The following EYA1 variants were observed in gnomAD, a reference collection of about 807,000 sequenced individuals.
The protein encoded by EYA1 is protein phosphatase EYA1.
Under a neutral mutation model 82.0 loss-of-function variants are expected in EYA1, and 16 were observed. The observed-to-expected ratio is 0.20, with a 90% confidence interval of 0.13 to 0.30. EYA1 has a LOEUF of 0.30. Among genes scored for constraint, EYA1 ranks in the 10% least tolerant of loss-of-function variants. The pLI, the probability that EYA1 is intolerant of heterozygous loss-of-function variation, is 1.00. For missense variants in EYA1, 633 were observed against 730.7 expected, an observed-to-expected ratio of 0.87 and a Z score of 1.54; for synonymous variants, 261 against 264.4, an observed-to-expected ratio of 0.99 and a Z score of 0.12.
At chr8:71,218,560 TC>T (rs1176509725) in intron 12 of EYA1, among the ~76,000 whole-genome samples, 1 of 152,080 alleles carries the variant, frequency 6.6e-6, no homozygotes, top group Non-Finnish European at 1.5e-5. Context: ...TCTCCTGAGG[TC>T]CATAACCTCA....
chr8:71,447,958 T>G (rs1807021968), intron 2 of EYA1, among the ~76,000 whole-genome samples: 1 of 151,364 alleles, frequency 6.6e-6, no homozygotes, highest in Non-Finnish European at 1.5e-5. Context: ...CAATTGACTC[T>G]TCCTTTCCAA....
chr8:71,237,913 A>T (rs575304117), intron 12 of EYA1, among the ~76,000 whole-genome samples: 3 of 152,198 alleles, frequency 2.0e-5, no homozygotes, highest in Non-Finnish European at 4.4e-5. Context: ...ACCCAGATGA[A>T]GAAACAAAAT....
chr8:71,403,892 G>A (rs972852908), intron 2 of EYA1: 2 of 152,318 alleles, frequency 1.3e-5, no homozygotes, highest in East Asian at 1.9e-4. Context: ...GGAATGGGAG[G>A]AGGTGGAGGG....
At chr8:71,445,082 A>G (rs1197634950) in intron 2 of EYA1, among the ~76,000 whole-genome samples, 4 of 152,096 alleles carry the variant, frequency 2.6e-5, no homozygotes, top group African/African-American at 9.7e-5. Flanking sequence ...TACCTTTTGT[A>G]TTGCTTTATG....
At chr8:71,412,743 C>T (rs1830674942) in intron 2 of EYA1, among the ~76,000 whole-genome samples, 1 of 152,214 alleles carries the variant, frequency 6.6e-6, no homozygotes, top group South Asian at 2.1e-4. Context: ...CTGCTCTGGG[C>T]ATAGTCAGGA....
intron 7 of EYA1, among the ~76,000 whole-genome samples, chr8:71,311,501 A>C (rs1821337706): frequency 6.6e-6 from 1 of 152,232 alleles, no homozygotes; most frequent in South Asian, 2.1e-4. Context: ...CACTCTGTCC[A>C]TCCACACCCA....
Position 71,434,192 on chromosome 8 carries a change from G to A in EYA1, c.34-77681C>T, listed in dbSNP as rs116144751. Among the ~76,000 whole-genome samples, 675 of 152,282 alleles carry A rather than the reference G, an allele frequency of 4.4e-3. 4 individuals carry two copies. The highest frequency in any genetic ancestry group is 0.016 in the African/African-American group (652 of 41,568). On this transcript the variant is annotated intron_variant, in intron 2 of 18. Transcript: ENST00000643681. ...ATTTACATGCTGGTTACCTACCCTC[G>A]ATGAGACTAATAACTTTCTAGACAT... is the stretch of plus-strand genomic sequence containing the variant.
intron 1 of EYA1, chr8:71,356,727 G>C (rs535331212): frequency 2.2e-5 from 27 of 1,228,848 alleles, no homozygotes; most frequent in Non-Finnish European, 2.6e-5. Flanking sequence ...CCTTGTCAGG[G>C]GGGGAAGGCA....
chr8:71,471,986 A>T (rs778792204), intron 2 of EYA1, among the ~76,000 whole-genome samples: 2 of 152,110 alleles, frequency 1.3e-5, no homozygotes, highest in Non-Finnish European at 2.9e-5. Flanking sequence ...ACATCTAGTC[A>T]TGCGAAAGGT....
intron 11 of EYA1, among the ~76,000 whole-genome samples, chr8:71,260,000 C>T (rs1814905701): frequency 6.6e-6 from 1 of 152,016 alleles, no homozygotes; most frequent in African/African-American, 2.4e-5. Flanking sequence ...TTATAAGAAC[C>T]ACTAAAAATG....
intron 2 of EYA1, among the ~76,000 whole-genome samples, chr8:71,503,405 A>G (rs1359547232): frequency 3.9e-5 from 6 of 151,918 alleles, no homozygotes; most frequent in Non-Finnish European, 8.8e-5. Flanking sequence ...TCCAGGAGGC[A>G]GAGGTTGCAG....
At chr8:71,432,094 ACTT>A (rs1382120759) in intron 2 of EYA1, among the ~76,000 whole-genome samples, 1 of 152,100 alleles carries the variant, frequency 6.6e-6, no homozygotes, top group Non-Finnish European at 1.5e-5. Flanking sequence ...CCTTCTCTGA[ACTT>A]CTTTTTATAC....
At chr8:71,406,150 GCAA>G (rs1830207130) in intron 2 of EYA1, among the ~76,000 whole-genome samples, 1 of 152,150 alleles carries the variant, frequency 6.6e-6, no homozygotes, top group Non-Finnish European at 1.5e-5. Context: ...TAAAACAACA[GCAA>G]CAACAATTAA....
chr8:71,478,440 G>A (rs1809841214), intron 2 of EYA1, among the ~76,000 whole-genome samples: 1 of 152,062 alleles, frequency 6.6e-6, no homozygotes, highest in Non-Finnish European at 1.5e-5. Context: ...AAACAGAAAG[G>A]GAGTAGTATG....
At chr8:71,261,252 T>G (rs1390555023) in intron 11 of EYA1, among the ~76,000 whole-genome samples, 1 of 152,216 alleles carries the variant, frequency 6.6e-6, no homozygotes, top group South Asian at 2.1e-4. Flanking sequence ...GGTTCCATTA[T>G]TGTGTTTTCT....
chr8:71,423,978 C>T (rs1433140717), intron 2 of EYA1, among the ~76,000 whole-genome samples: 1 of 152,112 alleles, frequency 6.6e-6, no homozygotes, highest in Non-Finnish European at 1.5e-5. Context: ...TATTTTGTAA[C>T]CTTAGGTAAA....
intron 2 of EYA1, among the ~76,000 whole-genome samples, chr8:71,520,845 T>C (rs2129269875): frequency 6.6e-6 from 1 of 152,246 alleles, no homozygotes; most frequent in South Asian, 2.1e-4. Flanking sequence ...AAATGCAGTA[T>C]TCTCAAAAAT....
chr8:71,507,902 T>C (rs1321661102), intron 2 of EYA1, among the ~76,000 whole-genome samples: 1 of 152,112 alleles, frequency 6.6e-6, no homozygotes, highest in Non-Finnish European at 1.5e-5. Context: ...CTCAAAACAT[T>C]GACAAATAAG....
intron 9 of EYA1, among the ~76,000 whole-genome samples, chr8:71,279,381 G>C (rs2128965659): frequency 6.6e-6 from 1 of 152,264 alleles, no homozygotes; most frequent in East Asian, 1.9e-4. Flanking sequence ...ATATGCAAAA[G>C]TCATCTTAAT....
Sources: gnomAD v4.1 joint callset for allele counts (sites outside exome capture counted in the v4.1 genomes callset) on GRCh38, gnomAD v4.1.1 for gene constraint, MANE v1.5 for transcripts, NCBI Gene and HGNC (gene_info 2026-07-23, HGNC 2026-07-21) for gene names.